The following MKLN1 variants were observed in gnomAD, a reference collection of about 807,000 sequenced individuals.
MKLN1 encodes the protein muskelin 1, also known as muskelin.
A neutral mutation model predicts 99.0 loss-of-function variants in MKLN1; 18 were observed. The ratio of observed to expected loss-of-function variants is 0.18; its 90% CI spans 0.13 to 0.27. MKLN1 has a LOEUF of 0.27. MKLN1 is among the 10% of genes least tolerant of loss of function. The pLI, the probability that MKLN1 is intolerant of heterozygous loss-of-function variation, is 1.00. For missense variants in MKLN1, 621 were observed against 875.9 expected, an observed-to-expected ratio of 0.71 and a Z score of 3.67; for synonymous variants, 288 against 293.2, an observed-to-expected ratio of 0.98 and a Z score of 0.18.
intron 9 of MKLN1, among the ~76,000 whole-genome samples, chr7:131,431,268 A>G (rs1349367271): frequency 1.3e-5 from 2 of 152,012 alleles, no homozygotes; most frequent in Non-Finnish European, 2.9e-5. Flanking sequence ...CCCAAATACC[A>G]TATTTGATCC....
intron 3 of MKLN1, among the ~76,000 whole-genome samples, chr7:131,297,370 A>G (rs1798306689): frequency 6.7e-6 from 1 of 148,430 alleles, no homozygotes; most frequent in East Asian, 2.0e-4. Context: ...AAAAAACAAA[A>G]TATATATATA....
chr7:131,463,501 T>C (rs979196897), intron 13 of MKLN1, 137 bp downstream of exon 13: 1 of 852,946 alleles, frequency 1.2e-6, no homozygotes, highest in South Asian at 1.5e-5. Context: ...TGGAAAAAAA[T>C]CAATATCGGT....
intron 11 of MKLN1, among the ~76,000 whole-genome samples, chr7:131,444,170 C>T (rs1440435665): frequency 1.3e-5 from 2 of 151,956 alleles, no homozygotes; most frequent in Admixed American, 6.5e-5. Flanking sequence ...GCCAACATGG[C>T]GAAACCCCAT....
chr7:131,371,738 A>G (rs1793469840), intron 1 of MKLN1, among the ~76,000 whole-genome samples: 1 of 149,756 alleles, frequency 6.7e-6, no homozygotes, highest in Admixed American at 6.7e-5. Context: ...ACTTACCAAT[A>G]CTTTACATTA....
intron 15 of MKLN1, 115 bp downstream of exon 15, chr7:131,466,530 CCT>C: frequency 1.5e-6 from 1 of 648,818 alleles, no homozygotes; most frequent in East Asian, 3.3e-5. Flanking sequence ...TTGTAAATGC[CCT>C]GTTATTCCAC....
chr7:131,149,330 G>C (rs939452864), intron 2 of MKLN1, among the ~76,000 whole-genome samples: 2 of 152,072 alleles, frequency 1.3e-5, no homozygotes, highest in African/African-American at 4.8e-5. Flanking sequence ...CATGTAACCT[G>C]TCTTTATGTC....
At chr7:131,210,368 TA>T in intron 3 of MKLN1, among the ~76,000 whole-genome samples, 1 of 151,672 alleles carries the variant, frequency 6.6e-6, no homozygotes, top group East Asian at 2.0e-4. Context: ...CTGTCTCTAC[TA>T]AAAAATACAA....
intron 1 of MKLN1, among the ~76,000 whole-genome samples, chr7:131,338,503 C>T (rs1042835406): frequency 1.3e-5 from 2 of 152,256 alleles, no homozygotes; most frequent in African/African-American, 4.8e-5. Context: ...CAAGTCTTAG[C>T]TACCTCAGAA....
intron 8 of MKLN1, among the ~76,000 whole-genome samples, chr7:131,419,664 A>G (rs1795133137): frequency 6.6e-6 from 1 of 152,222 alleles, no homozygotes; most frequent in Non-Finnish European, 1.5e-5. Context: ...TTGAACTGAT[A>G]TTATTACAAA....
intron 3 of MKLN1, among the ~76,000 whole-genome samples, chr7:131,304,239 C>T (rs1563285363): frequency 2.0e-5 from 3 of 152,132 alleles, no homozygotes; most frequent in African/African-American, 7.2e-5. Flanking sequence ...GAGGAAGTGG[C>T]CCATGCCTGT....
At chr7:131,352,140 A>G (rs1799738361) in intron 1 of MKLN1, among the ~76,000 whole-genome samples, 1 of 152,192 alleles carries the variant, frequency 6.6e-6, no homozygotes, top group Non-Finnish European at 1.5e-5. Context: ...GCATTTATGA[A>G]CATTAGTCTC....
At chr7:131,389,833 G>A (rs1794145947) in intron 4 of MKLN1, among the ~76,000 whole-genome samples, 1 of 151,210 alleles carries the variant, frequency 6.6e-6, no homozygotes, top group East Asian at 1.9e-4. Flanking sequence ...AGTTTGCAGT[G>A]AGCCAAGATC....
chr7:131,190,349 C>T (rs542307370), intron 2 of MKLN1, among the ~76,000 whole-genome samples: 20 of 151,982 alleles, frequency 1.3e-4, no homozygotes, highest in Non-Finnish European at 2.5e-4. Context: ...CCTACCTTGG[C>T]ATTCCTTGAT....
chr7:131,435,854 T>C (rs2116464015), intron 9 of MKLN1, among the ~76,000 whole-genome samples: 1 of 152,246 alleles, frequency 6.6e-6, no homozygotes, highest in African/African-American at 2.4e-5. Flanking sequence ...TAATTTTCTC[T>C]ATTTTTTTTC....
At chr7:131,334,626 G>A (rs1027128552) in intron 1 of MKLN1, among the ~76,000 whole-genome samples, 4 of 152,032 alleles carry the variant, frequency 2.6e-5, no homozygotes, top group African/African-American at 7.2e-5. Flanking sequence ...TATTATTTGC[G>A]TTAACTTTTA....
chr7:131,458,129 G>A (rs1252859821), intron 12 of MKLN1, among the ~76,000 whole-genome samples: 2 of 152,158 alleles, frequency 1.3e-5, no homozygotes, highest in Non-Finnish European at 2.9e-5. Flanking sequence ...CAGATGACCT[G>A]TAAGGGAACA....
At chr7:131,382,266 G>C (rs542975789) in intron 2 of MKLN1, among the ~76,000 whole-genome samples, 6 of 152,178 alleles carry the variant, frequency 3.9e-5, no homozygotes, top group Admixed American at 2.0e-4. Context: ...TTGGGAGGCT[G>C]AGGCACAAGA....
At chr7:131,412,696 C>T (rs1010447670) in intron 7 of MKLN1, among the ~76,000 whole-genome samples, 1 of 152,176 alleles carries the variant, frequency 6.6e-6, no homozygotes, top group Non-Finnish European at 1.5e-5. Context: ...TTCATCTGTA[C>T]TCACTGCTTT....
At chr7:131,114,751 G>T (rs1372992968) in intron 1 of MKLN1, among the ~76,000 whole-genome samples, 1 of 152,112 alleles carries the variant, frequency 6.6e-6, no homozygotes, top group African/African-American at 2.4e-5. Context: ...TTCGAGACCA[G>T]CCTGGCCAAT....
Sources: gnomAD v4.1 joint callset for allele counts (sites outside exome capture counted in the v4.1 genomes callset) on GRCh38, gnomAD v4.1.1 for gene constraint, MANE v1.5 for transcripts, NCBI Gene and HGNC (gene_info 2026-07-23, HGNC 2026-07-21) for gene names.